Variants in LITAF observed in about 807,000 individuals in gnomAD.
The protein encoded by LITAF is lipopolysaccharide induced TNF factor.
In LITAF, 9 loss-of-function variants were observed where a neutral mutation model predicts 14.5. The ratio of observed to expected loss-of-function variants is 0.62; its 90% confidence interval spans 0.37 to 1.08. LITAF has a LOEUF of 1.08. Among genes scored for constraint, LITAF ranks in the 50% least tolerant of loss-of-function variants. The pLI is 0.01. For missense variants in LITAF, 206 were observed against 213.4 expected (o/e 0.97, Z 0.22); for synonymous variants, 98 against 88.2 (o/e 1.11, Z -0.62).
At chr16:11,595,862 T>C (rs2064881357) in intron 1 of LITAF, among the ~76,000 whole-genome samples, 1 of 152,236 alleles carries the variant, frequency 6.6e-6, no homozygotes, top group Non-Finnish European at 1.5e-5. Flanking sequence ...GGATTTGTAA[T>C]ATGTCCCTAT....
rs2064275795 is a variant in LITAF at position 11,556,685 on chromosome 16, C to A, written c.46G>T (p.Ala16Ser). ...PYQAATGPSS[A>S]PSAPPSYEET... ...TCATAGGATGGAGGTGCGGATGGTG[C>A]TGAGGAAGGCCCAGTGGCCGCCTGG... Residue 16 changes from alanine (A) to serine (S), a missense_variant, in exon 2 of 4, where the codon GCA becomes TCA. Coordinates refer to ENST00000622633, the MANE Select transcript of LITAF (RefSeq NM_001136472.2). 2 of 1,614,178 alleles carry A rather than the reference C, an allele frequency of 1.2e-6. No individual in the cohort carries two copies. Among genetic ancestry groups the A allele is most frequent in the Non-Finnish European group, 1.7e-6 (2 of 1,180,050 alleles).
At chr16:11,601,290 C>T (rs1363566335), upstream of LITAF, among the ~76,000 whole-genome samples, 1 of 151,966 alleles carries the variant, frequency 6.6e-6, no homozygotes, top group Non-Finnish European at 1.5e-5. Flanking sequence ...GGTCATTCCC[C>T]CACCCAACCC....
In LITAF at chr16:11,577,425, G is replaced by T. The variant is rs568524843; in HGVS notation, c.-6+9461C>A. Among the ~76,000 whole-genome samples the T allele has an allele frequency of 4.1e-5, 6 of 145,482 alleles. No homozygotes were observed. The East Asian group carries it at 1.2e-3, about 30-fold the overall frequency. ...CTCCACCTTCCAGGTTCAAGCAATT[G>T]TCCTGCCTCAGCCTCCCGAGTAGCC... is the stretch of plus-strand genomic sequence containing the variant. On this transcript the variant is annotated intron_variant, in intron 1 of 3. Transcript: ENST00000622633.
At chr16:11,617,394 G>T (rs2065025366) in intron 3 of LITAF, among the ~76,000 whole-genome samples, 1 of 148,158 alleles carries the variant, frequency 6.7e-6, no homozygotes, top group African/African-American at 2.5e-5. Flanking sequence ...AGCAGGGGCA[G>T]TCCCAGCAAT....
chr16:11,547,943 T>C lies in LITAF; in HGVS notation c.*1694A>G, dbSNP rs1236328595. On this transcript the variant is annotated 3_prime_UTR_variant, in exon 4 of 4. Coordinates refer to ENST00000622633, the MANE Select transcript of LITAF (RefSeq NM_001136472.2). Reference sequence around the variant, plus strand: ...AACAAATAAAGGTTCTTTGTAGCAATGGCTGGAAATGCAACATGAGCCCTT... The same window carrying C: ...AACAAATAAAGGTTCTTTGTAGCAACGGCTGGAAATGCAACATGAGCCCTT... 6.6e-6 allele frequency: 3 copies of C among 453,992 alleles called. No individual in the cohort carries two copies. Among genetic ancestry groups the C allele is most frequent in the African/African-American group, 2.0e-5 (1 of 50,000 alleles). The allele number at this position is 453,992 out of a possible 1,614,324, so 28.1% of individuals were successfully genotyped here. A position where few individuals can be genotyped will look rare whatever the true frequency, so the allele number is the denominator to read the frequency against.
At chr16:11,621,615 G>T (rs1159327986) in intron 3 of LITAF, among the ~76,000 whole-genome samples, 2 of 152,140 alleles carry the variant, frequency 1.3e-5, no homozygotes, top group Non-Finnish European at 2.9e-5. Context: ...AGTCAGAAGG[G>T]AACATCCCAG....
chr16:11,598,234 T>C (rs573272919), intron 1 of LITAF, among the ~76,000 whole-genome samples: 2 of 150,444 alleles, frequency 1.3e-5, no homozygotes, highest in East Asian at 3.9e-4. Context: ...TGCAAGTTTC[T>C]CTCCTCTCTT....
upstream of LITAF, among the ~76,000 whole-genome samples, chr16:11,598,955 G>T (rs1186072953): frequency 6.6e-6 from 1 of 150,890 alleles, no homozygotes; most frequent in African/African-American, 2.4e-5. Context: ...AAGTAGCTGG[G>T]ATTACAGGCA....
At chr16:11,595,159 T>C (rs4780393) in intron 1 of LITAF, among the ~76,000 whole-genome samples, 114,334 of 152,110 alleles carry the variant, frequency 0.75, 44,108 homozygotes, top group African/African-American at 0.93. Context: ...TTTCCATTTC[T>C]AAAACATGTT....
chr16:11,602,317 C>T (rs953899345), upstream of LITAF, among the ~76,000 whole-genome samples: 1 of 152,164 alleles, frequency 6.6e-6, no homozygotes, highest in Non-Finnish European at 1.5e-5. Flanking sequence ...GATCGCACCA[C>T]TGCACTCCAG....
chr16:11,582,920 A>G (rs991057881), intron 1 of LITAF, among the ~76,000 whole-genome samples: 1 of 152,234 alleles, frequency 6.6e-6, no homozygotes, highest in Non-Finnish European at 1.5e-5. Flanking sequence ...TTAAGCTACA[A>G]TAATTCTGCA....
chr16:11,575,150 G>A (rs1458187347), intron 1 of LITAF, among the ~76,000 whole-genome samples: 2 of 152,020 alleles, frequency 1.3e-5, no homozygotes, highest in South Asian at 2.1e-4. Context: ...TTTTCCTCCA[G>A]GGGGTTCTAA....
intron 3 of LITAF, among the ~76,000 whole-genome samples, chr16:11,610,238 A>C (rs923463493): frequency 6.6e-6 from 1 of 152,214 alleles, no homozygotes; most frequent in Non-Finnish European, 1.5e-5. Context: ...AAAACAGGGG[A>C]TCTCTATCGG....
chr16:11,614,633 TCTGTCACCCAGA>T (rs1302102669), intron 3 of LITAF, among the ~76,000 whole-genome samples: 2 of 151,958 alleles, frequency 1.3e-5, no homozygotes, highest in African/African-American at 4.8e-5. Context: ...GGGGTCTTAC[TCTGTCACCCAGA>T]CTGGAATGCA....
At chr16:11,627,952 G>T (rs1049359954) in intron 3 of LITAF, among the ~76,000 whole-genome samples, 3 of 149,110 alleles carry the variant, frequency 2.0e-5, no homozygotes, top group Non-Finnish European at 3.0e-5. Flanking sequence ...AGGAGGCGGA[G>T]GTTGCAGTGA....
upstream of LITAF, among the ~76,000 whole-genome samples, chr16:11,589,629 T>C (rs2064836373): frequency 6.7e-6 from 1 of 149,528 alleles, no homozygotes; most frequent in African/African-American, 2.5e-5. Context: ...CTTTTTTTTT[T>C]TTTTTTTTTT....
intron 3 of LITAF, among the ~76,000 whole-genome samples, chr16:11,620,784 C>G (rs1321242230): frequency 2.6e-5 from 4 of 152,238 alleles, no homozygotes; most frequent in African/African-American, 9.6e-5. Context: ...CTGTGACAAA[C>G]TGAAGGGCAA....
chr16:11,612,297 C>A lies in LITAF; in HGVS notation c.85+21236G>T, dbSNP rs563175874. Reference sequence around the variant, plus strand: ...TTCCCAGCCCAGGGACTCTGTGACTCCTGGGAGCCGCAGCAGGCTTTGGCT... The same window carrying A: ...TTCCCAGCCCAGGGACTCTGTGACTACTGGGAGCCGCAGCAGGCTTTGGCT... On this transcript the variant is annotated intron_variant, in intron 3 of 3. Transcript: ENST00000574848. Among the ~76,000 whole-genome samples, 14 of 152,330 alleles carry A rather than the reference C, an allele frequency of 9.2e-5. No individual in the cohort carries two copies. The South Asian group carries it at 2.9e-3, about 32-fold the overall frequency.
Position 11,570,687 on chromosome 16 carries a change from A to G in LITAF, c.-5-13952T>C, listed in dbSNP as rs115916376. 3.5e-3 allele frequency among the ~76,000 whole-genome samples: 539 copies of G among 152,306 alleles called. 2 individuals are homozygous for G. The highest frequency in any genetic ancestry group is 9.6e-3 in the African/African-American group (398 of 41,586). On this transcript the variant is annotated intron_variant, in intron 1 of 3. Coordinates refer to ENST00000622633, the MANE Select transcript of LITAF (RefSeq NM_001136472.2). ...GCCCGGTGTAATCACAAAGGTCCTT[A>G]TAAGAGAAAGGTAGAGGAGTTCGAG... is the stretch of plus-strand genomic sequence containing the variant.
Sources: allele counts gnomAD v4.1 joint callset (sites outside exome capture counted in the v4.1 genomes callset), GRCh38; gene constraint gnomAD v4.1.1; transcripts MANE v1.5; gene names NCBI Gene and HGNC (gene_info 2026-07-23, HGNC 2026-07-21).